GSG1L: variants seen among roughly 807,000 people sequenced by gnomAD.
GSG1L encodes germ cell-specific gene 1-like protein.
GSG1L carries 24 observed loss-of-function variants against 42.1 expected under a neutral mutation model. The ratio of observed to expected loss-of-function variants is 0.57; its 90% confidence interval spans 0.41 to 0.80. The LOEUF (loss-of-function observed/expected upper bound fraction) is 0.80, where lower values mean the gene tolerates loss of function less well. Ranked by LOEUF, GSG1L falls within the 30% of genes least tolerant of loss-of-function variation. The probability of loss-of-function intolerance (pLI) is 0.00; values close to 1 mark genes in which losing one functional copy is unlikely to be tolerated. For synonymous variants in GSG1L, 215 were observed against 203.5 expected (o/e 1.06, Z -0.48); for missense variants, 445 against 472.2 (o/e 0.94, Z 0.53).
At chr16:27,932,235 T>A (rs910943640) in intron 2 of GSG1L, among the ~76,000 whole-genome samples, 7 of 152,124 alleles carry the variant, frequency 4.6e-5, no homozygotes, top group African/African-American at 1.7e-4. Context: ...GTATTTTTAG[T>A]AGAGATGGGG....
At chr16:27,987,470 T>C (rs2141131275) in intron 1 of GSG1L, among the ~76,000 whole-genome samples, 1 of 152,280 alleles carries the variant, frequency 6.6e-6, no homozygotes, top group South Asian at 2.1e-4. Context: ...GAGGTCTCCC[T>C]GCCCCTGCTG....
At chr16:27,958,757 C>A (rs550242732) in intron 2 of GSG1L, among the ~76,000 whole-genome samples, 4 of 152,104 alleles carry the variant, frequency 2.6e-5, no homozygotes, top group African/African-American at 9.6e-5. Context: ...CTCACTGTAA[C>A]CTCCACCTCC....
At chr16:27,829,972 C>T (rs1012700095) in intron 4 of GSG1L, among the ~76,000 whole-genome samples, 1 of 152,164 alleles carries the variant, frequency 6.6e-6, no homozygotes. Flanking sequence ...ACTTTCTGTA[C>T]AGCTGGGACT....
chr16:27,991,652 G>A (rs527400675), intron 1 of GSG1L, among the ~76,000 whole-genome samples: 2 of 152,054 alleles, frequency 1.3e-5, no homozygotes, highest in Admixed American at 6.6e-5. Flanking sequence ...TGATCCACCC[G>A]CCTCAGCCTC....
intron 1 of GSG1L, among the ~76,000 whole-genome samples, chr16:28,051,533 G>C (rs951420780): frequency 6.6e-6 from 1 of 151,364 alleles, no homozygotes; most frequent in Non-Finnish European, 1.5e-5. Flanking sequence ...AACAAGCTGC[G>C]TAGTGGAATA....
chr16:27,909,969 T>C (rs1006408416), intron 2 of GSG1L, among the ~76,000 whole-genome samples: 3 of 148,224 alleles, frequency 2.0e-5, no homozygotes, highest in Non-Finnish European at 4.5e-5. Context: ...TTTTTTTTTT[T>C]TTTTTGTTTA....
At chr16:27,931,679 C>A (rs1418438699) in intron 2 of GSG1L, among the ~76,000 whole-genome samples, 2 of 152,178 alleles carry the variant, frequency 1.3e-5, no homozygotes, top group African/African-American at 4.8e-5. Flanking sequence ...CCAAGTGGAT[C>A]CTTGGTCCTT....
chr16:27,867,609 T>C (rs903313080), intron 3 of GSG1L, among the ~76,000 whole-genome samples: 1 of 152,208 alleles, frequency 6.6e-6, no homozygotes, highest in African/African-American at 2.4e-5. Flanking sequence ...GAGCTCAGCC[T>C]TTCCCCTACG....
intron 5 of GSG1L, among the ~76,000 whole-genome samples, chr16:27,813,122 G>A (rs554163437): frequency 1.3e-5 from 2 of 152,100 alleles, no homozygotes; most frequent in Admixed American, 6.5e-5. Context: ...TTCAGGGTAC[G>A]TGTGCAGGTT....
intron 1 of GSG1L, among the ~76,000 whole-genome samples, chr16:27,972,822 A>T (rs1447200768): frequency 6.6e-6 from 1 of 152,240 alleles, no homozygotes; most frequent in African/African-American, 2.4e-5. Context: ...GGTGATTCCA[A>T]TGTACACTCA....
intron 5 of GSG1L, among the ~76,000 whole-genome samples, chr16:27,817,978 G>A (rs924547241): frequency 3.3e-5 from 5 of 152,102 alleles, no homozygotes; most frequent in East Asian, 1.9e-4. Flanking sequence ...CAAATTTAAC[G>A]GTGCTCCAAG....
chr16:27,924,299 T>C (rs2084565956), intron 2 of GSG1L, among the ~76,000 whole-genome samples: 1 of 147,464 alleles, frequency 6.8e-6, no homozygotes, highest in African/African-American at 2.5e-5. Flanking sequence ...GTGTACTTCA[T>C]ATAATGTATA....
intron 2 of GSG1L, among the ~76,000 whole-genome samples, chr16:27,908,509 T>C (rs1247348438): frequency 1.3e-5 from 2 of 152,204 alleles, no homozygotes; most frequent in African/African-American, 4.8e-5. Flanking sequence ...TTTGCGCTGC[T>C]ATAACAGAAT....
Position 27,884,854 on chromosome 16 carries a change from C to T in GSG1L, c.398-216G>A, listed in dbSNP as rs993083190. 2.0e-5 allele frequency among the ~76,000 whole-genome samples: 3 copies of T among 152,174 alleles called. No individual in the cohort carries two copies. The highest frequency in any genetic ancestry group is 7.2e-5 in the African/African-American group (3 of 41,452). Reference sequence around the variant, plus strand: ...AGCTTAAGTCAGCATTCTCTGGATCCTATTACTGGGGAAGAACTTTTATCC... The same window carrying T: ...AGCTTAAGTCAGCATTCTCTGGATCTTATTACTGGGGAAGAACTTTTATCC... On this transcript the variant is annotated intron_variant, in intron 2 of 6. Coordinates refer to ENST00000447459, the MANE Select transcript of GSG1L (RefSeq NM_001109763.2). This position sits in a 1 kb window ranked among gnomAD's most constrained non-coding sequence, Gnocchi z 4.4.
chr16:28,036,289 T>A (rs1020347177), intron 1 of GSG1L, among the ~76,000 whole-genome samples: 1 of 152,168 alleles, frequency 6.6e-6, no homozygotes, highest in Non-Finnish European at 1.5e-5. Context: ...AGGCCCCCAG[T>A]GCTTGCCAGT....
intron 1 of GSG1L, among the ~76,000 whole-genome samples, chr16:27,999,009 A>G (rs2085550997): frequency 6.6e-6 from 1 of 152,208 alleles, no homozygotes; most frequent in African/African-American, 2.4e-5. Context: ...GACACGTGTC[A>G]CTTGGCATTT....
chr16:27,862,333 G>A (rs1337580503), intron 3 of GSG1L, among the ~76,000 whole-genome samples: 1 of 152,130 alleles, frequency 6.6e-6, no homozygotes, highest in Non-Finnish European at 1.5e-5. Flanking sequence ...AGAAACTGAA[G>A]CCCTGAAAGA....
At chr16:27,859,653 C>T (rs1417975968) in intron 3 of GSG1L, among the ~76,000 whole-genome samples, 5 of 152,158 alleles carry the variant, frequency 3.3e-5, no homozygotes, top group African/African-American at 4.8e-5. Context: ...AGTTGGTTTT[C>T]TATCCCTCTT....
intron 3 of GSG1L, among the ~76,000 whole-genome samples, chr16:27,865,558 TATATATATATATATACACAC>T (rs1309644331): frequency 0.084 from 1,906 of 22,662 alleles, 107 homozygotes; most frequent in African/African-American, 0.11. Context: ...TATATATATA[TATATATATATATATACACAC>T]ACACATACAT....
Sources: gnomAD v4.1 joint callset for allele counts (sites outside exome capture counted in the v4.1 genomes callset) on GRCh38, gnomAD v4.1.1 for gene constraint, Gnocchi (gnomAD v3.1) non-coding constraint, MANE v1.5 for transcripts, NCBI Gene and HGNC (gene_info 2026-07-23, HGNC 2026-07-21) for gene names.